CDH12: variants seen among roughly 807,000 people sequenced by gnomAD.
CDH12 encodes cadherin-12.
A neutral mutation model predicts 74.1 loss-of-function variants in CDH12; 41 were observed. That is an observed-to-expected ratio of 0.55 (90% CI 0.43 to 0.72). CDH12 has a LOEUF of 0.72. Ranked by LOEUF, CDH12 falls within the 30% of genes least tolerant of loss-of-function variation. CDH12 has a pLI of 0.00. For synonymous variants in CDH12, 399 were observed against 355.0 expected (o/e 1.12, Z -1.39); for missense variants, 945 against 977.2 (o/e 0.97, Z 0.44).
intron 1 of CDH12, among the ~76,000 whole-genome samples, chr5:22,758,393 C>G (rs1746040732): frequency 6.6e-6 from 1 of 152,142 alleles, no homozygotes; most frequent in African/African-American, 2.4e-5. Flanking sequence ...GTAGCAGCAG[C>G]AGTGGGCATG....
At chr5:21,801,728 T>C (rs1437202822) in intron 10 of CDH12, among the ~76,000 whole-genome samples, 1 of 152,204 alleles carries the variant, frequency 6.6e-6, no homozygotes, top group Non-Finnish European at 1.5e-5. Flanking sequence ...CAAATTGCAA[T>C]AACTTTTTCA....
intron 1 of CDH12, among the ~76,000 whole-genome samples, chr5:22,616,581 T>C (rs1174959041): frequency 6.6e-6 from 1 of 152,214 alleles, no homozygotes; most frequent in African/African-American, 2.4e-5. Flanking sequence ...AATACATACA[T>C]ACACAAAATT....
chr5:22,000,040 C>T (rs1381518835), intron 5 of CDH12, among the ~76,000 whole-genome samples: 1 of 152,004 alleles, frequency 6.6e-6, no homozygotes, highest in Non-Finnish European at 1.5e-5. Context: ...GTTGTTTGAG[C>T]CGATCTGCTC....
chr5:21,871,238 C>T (rs1751602427), intron 6 of CDH12, among the ~76,000 whole-genome samples: 1 of 151,988 alleles, frequency 6.6e-6, no homozygotes, highest in Non-Finnish European at 1.5e-5. Context: ...GTCTCTGTGG[C>T]CTAACTTCTG....
intron 6 of CDH12, among the ~76,000 whole-genome samples, chr5:21,949,173 G>A (rs879767832): frequency 5.3e-5 from 8 of 151,986 alleles, no homozygotes; most frequent in Non-Finnish European, 1.2e-4. Flanking sequence ...ATTTTTTATT[G>A]TTATTGTAGT....
intron 2 of CDH12, among the ~76,000 whole-genome samples, chr5:22,503,281 A>C (rs1481328209): frequency 6.6e-6 from 1 of 152,078 alleles, no homozygotes; most frequent in Non-Finnish European, 1.5e-5. Flanking sequence ...GAAATAATAC[A>C]CTGCCCTATG....
chr5:22,648,187 G>T (rs1739539396), intron 1 of CDH12, among the ~76,000 whole-genome samples: 1 of 151,634 alleles, frequency 6.6e-6, no homozygotes, highest in Non-Finnish European at 1.5e-5. Context: ...CCCTCCACAA[G>T]CGTTGGCAAT....
In CDH12 at chr5:21,928,373, C is replaced by T. The variant is rs115842209; in HGVS notation, c.526+46718G>A. ...ATGGAGTTAGTGGGAGAAAAAATAG[C>T]CACTTTACATTTGGAGGAAAGCAAT... On this transcript the variant is annotated intron_variant, in intron 6 of 14. Coordinates refer to ENST00000382254, the MANE Select transcript of CDH12 (RefSeq NM_004061.5). 4.4e-3 allele frequency among the ~76,000 whole-genome samples: 673 copies of T among 152,292 alleles called. 8 individuals are homozygous for T. Among genetic ancestry groups the T allele is most frequent in the African/African-American group, 0.016 (649 of 41,572 alleles).
At chr5:22,409,204 G>C (rs1203958358) in intron 2 of CDH12, among the ~76,000 whole-genome samples, 1 of 151,950 alleles carries the variant, frequency 6.6e-6, no homozygotes, top group Admixed American at 6.6e-5. Context: ...GCTTCCAAAA[G>C]AGCCAAGCCT....
intron 1 of CDH12, among the ~76,000 whole-genome samples, chr5:22,591,265 T>C (rs546995143): frequency 6.6e-6 from 1 of 152,266 alleles, no homozygotes; most frequent in South Asian, 2.1e-4. Context: ...TGATATAAAA[T>C]ACAATATTTG....
At chr5:22,402,768 G>T (rs561312239) in intron 3 of CDH12, among the ~76,000 whole-genome samples, 1 of 152,122 alleles carries the variant, frequency 6.6e-6, no homozygotes, top group East Asian at 1.9e-4. Flanking sequence ...AAAAAATTAG[G>T]TGTGTGATTC....
At position 22,606,914 on chromosome 5, in the gene CDH12, C is replaced by A. The variant is rs960842760; in HGVS notation, c.-522-101550G>T. ...ACCAAAATGCCAATAATAATATGGA[C>A]AATGAAGCCCAGGCTGAGGTGGTCT... is the stretch of plus-strand genomic sequence containing the variant. On this transcript the variant is annotated intron_variant, in intron 1 of 14. Coordinates refer to ENST00000382254, the MANE Select transcript of CDH12 (RefSeq NM_004061.5). Among the ~76,000 whole-genome samples, 6 of 152,222 alleles carry A rather than the reference C, an allele frequency of 3.9e-5. 2 individuals are homozygous for A. In the South Asian group the frequency reaches 1.0e-3, roughly 26 times the overall value.
intron 6 of CDH12, among the ~76,000 whole-genome samples, chr5:21,866,662 C>A (rs1751343581): frequency 6.6e-6 from 1 of 152,066 alleles, no homozygotes; most frequent in African/African-American, 2.4e-5. Flanking sequence ...ATAAGGGAAG[C>A]AGAGCATAAA....
chr5:22,349,724 T>C (rs766390295), intron 3 of CDH12, among the ~76,000 whole-genome samples: 11 of 152,224 alleles, frequency 7.2e-5, no homozygotes, highest in Non-Finnish European at 1.2e-4. Flanking sequence ...TGTCTCACTA[T>C]AGACTTACTT....
intron 2 of CDH12, among the ~76,000 whole-genome samples, chr5:22,478,403 G>A (rs1170302191): frequency 3.2e-5 from 4 of 125,056 alleles, no homozygotes; most frequent in Non-Finnish European, 6.3e-5. Flanking sequence ...GGGCGACAGA[G>A]CGAGACTCCG....
intron 3 of CDH12, among the ~76,000 whole-genome samples, chr5:22,360,074 T>A (rs909273341): frequency 6.6e-6 from 1 of 151,770 alleles, no homozygotes; most frequent in African/African-American, 2.4e-5. Context: ...AAGAAATAAC[T>A]AAGATCAGAG....
At chr5:22,588,263 A>G (rs889681039) in intron 1 of CDH12, among the ~76,000 whole-genome samples, 1 of 152,114 alleles carries the variant, frequency 6.6e-6, no homozygotes, top group Admixed American at 6.6e-5. Context: ...ACAAATCTAA[A>G]TCACATACTA....
At chr5:22,124,885 A>C (rs1405594440) in intron 4 of CDH12, among the ~76,000 whole-genome samples, 3 of 152,200 alleles carry the variant, frequency 2.0e-5, no homozygotes, top group Non-Finnish European at 4.4e-5. Context: ...CAGCCCTGTG[A>C]TGCCACCAGT....
chr5:22,510,781 T>C (rs1407556237), intron 1 of CDH12, among the ~76,000 whole-genome samples: 1 of 152,128 alleles, frequency 6.6e-6, no homozygotes, highest in Non-Finnish European at 1.5e-5. Context: ...TCCAAAAACA[T>C]ACGCTCCACA....
Sources: gnomAD v4.1 joint callset for allele counts (sites outside exome capture counted in the v4.1 genomes callset) on GRCh38, gnomAD v4.1.1 for gene constraint, MANE v1.5 for transcripts, NCBI Gene and HGNC (gene_info 2026-07-23, HGNC 2026-07-21) for gene names.